Variants in PNMA1 observed in about 807,000 individuals in gnomAD.
PNMA1 encodes the protein PNMA family member 1.
A neutral mutation model predicts 26.1 loss-of-function variants in PNMA1; 21 were observed. That is an observed-to-expected ratio of 0.80 (90% CI 0.57 to 1.16). The LOEUF is 1.16. Ranked by LOEUF, PNMA1 falls within the 50% of genes most tolerant of loss-of-function variation. The pLI is 0.00. For missense variants in PNMA1, 435 were observed against 437.3 expected (o/e 0.99, Z 0.05); for synonymous variants, 189 against 177.3 (o/e 1.07, Z -0.52).
In PNMA1 at chr14:73,713,644, T is replaced by G; in HGVS notation, c.-5A>C. The G allele has an allele frequency of 1.3e-6, 2 of 1,592,120 alleles. No individual in the cohort carries two copies. The highest frequency in any genetic ancestry group is 2.3e-5 in the South Asian group (2 of 88,526). On this transcript the variant is annotated 5_prime_UTR_variant, in exon 1 of 1. Coordinates refer to ENST00000316836, the MANE Select transcript of PNMA1 (RefSeq NM_006029.5). ...TTCCAACAGTGTCATCGCCATTTTC[T>G]CAACTATCAAGACGCCAAATTCTAC...
Position 73,712,503 on chromosome 14 carries a change from A to C in PNMA1, c.*75T>G. The stretch of plus-strand genomic sequence containing the variant: ...GGCTAAGCCTTTACTACTCAGAGAC[A>C]CATCTGTAAGACCCCACAGGGACAA... On this transcript the variant is annotated 3_prime_UTR_variant, in exon 1 of 1. Transcript: ENST00000316836. 1 of 1,006,062 alleles carries C rather than the reference A, an allele frequency of 9.9e-7. No individual in the cohort carries two copies. The highest frequency in any genetic ancestry group is 1.5e-6 in the Non-Finnish European group (1 of 678,448). The allele number at this position is 1,006,062 out of a possible 1,614,324, so 62.3% of individuals were successfully genotyped here.
chr14:73,713,020 C>G lies in PNMA1; in HGVS notation c.620G>C (p.Arg207Thr), dbSNP rs755376650. The change falls in exon 1 of 1, where the codon AGA (arginine) becomes ACA (threonine). Residue 207 changes from arginine to threonine, a missense_variant. Arg to Thr is a moderately conservative substitution (Grantham distance 71). Coordinates refer to ENST00000316836, the MANE Select transcript of PNMA1 (RefSeq NM_006029.5). ...EKRRRLMESL[R>T]GPAADVIRIL... is the part of the protein sequence containing the mutation. The stretch of plus-strand genomic sequence containing the variant: ...GCGAATAACATCAGCGGCGGGGCCT[C>G]TAAGACTCTCCATCAACCGCCGCCT... 8.1e-6 allele frequency: 13 copies of G among 1,613,936 alleles called. No individual in the cohort carries two copies. The South Asian group carries it at 1.3e-4, about 16-fold the overall frequency.
At position 73,713,133 on chromosome 14, in the gene PNMA1, G is replaced by C. The variant is rs1345913158; in HGVS notation, c.507C>G (p.Ile169Met). The C allele has an allele frequency of 1.2e-6, 2 of 1,612,346 alleles. No individual in the cohort carries two copies. Among genetic ancestry groups the C allele is most frequent in the East Asian group, 2.2e-5 (1 of 44,856 alleles). Residue 169 changes from isoleucine (I) to methionine (M), a missense_variant, in exon 1 of 1, where the codon ATC becomes ATG. Physicochemically the swap from Ile to Met is conservative, Grantham distance 10. Coordinates refer to ENST00000316836, the MANE Select transcript of PNMA1 (RefSeq NM_006029.5). ...CAAAGGTTTCCTCTCCAGGCCCTGG[G>C]ATGTCCCTCCCCGAGAAAAGTGTCA... ...KRLTLFSGRD[I>M]PGPGEETFDP... is the part of the protein sequence containing the mutation.
chr14:73,713,134 A>G lies in PNMA1; in HGVS notation c.506T>C (p.Ile169Thr). Residue 169 changes from isoleucine (I) to threonine (T), a missense_variant, in exon 1 of 1, where the codon ATC becomes ACC. Ile to Thr is a moderately conservative substitution (Grantham distance 89). Transcript: ENST00000316836. ...KRLTLFSGRD[I>T]PGPGEETFDP... The stretch of plus-strand genomic sequence containing the variant: ...AAAGGTTTCCTCTCCAGGCCCTGGG[A>G]TGTCCCTCCCCGAGAAAAGTGTCAG... 1.9e-6 allele frequency: 3 copies of G among 1,612,514 alleles called. No homozygotes were observed. The highest frequency in any genetic ancestry group is 2.5e-6 in the Non-Finnish European group (3 of 1,179,094).
chr14:73,712,860 T>C lies in PNMA1; in HGVS notation c.780A>G (p.Lys260=). The change falls in exon 1 of 1, where the codon AAA becomes AAG. Residue 260 remains lysine, a synonymous_variant. Transcript: ENST00000316836. ...CCAGACGAATGACATAAGCAGACAATTTTTCTCCCGGGTTCTGATAAGTGT... is the reference window on the plus strand; with the variant it reads ...CCAGACGAATGACATAAGCAGACAACTTTTCTCCCGGGTTCTGATAAGTGT... The part of the protein sequence containing the change: ...FLNTYQNPGE[K]LSAYVIRLEP... The C allele has an allele frequency of 6.2e-7, 1 of 1,614,104 alleles. No individual in the cohort carries two copies. The highest frequency in any genetic ancestry group is 1.1e-5 in the South Asian group (1 of 91,088).
chr14:73,713,170 C>G lies in PNMA1; in HGVS notation c.470G>C (p.Trp157Ser). 6.2e-7 allele frequency: 1 copy of G among 1,613,934 alleles called. No individual in the cohort carries two copies. The highest frequency in any genetic ancestry group is 8.5e-7 in the Non-Finnish European group (1 of 1,179,932). ...CGAGAAAAGTGTCAGCCTCTTGTAC[C>G]ATATGGACTCAACAAGAGGCTGAAT... Reference protein sequence around the residue: ...NVIQPLVESIWYKRLTLFSGR... With the variant: ...NVIQPLVESISYKRLTLFSGR... The change falls in exon 1 of 1, where the codon TGG becomes TCG. Residue 157 changes from tryptophan (W) to serine (S), a missense_variant. By Grantham distance (177) the Trp-to-Ser change is radical. Transcript: ENST00000316836.
In PNMA1 at chr14:73,713,427, A is replaced by G. The variant is rs769751350; in HGVS notation, c.213T>C (p.Ala71=). ...AKAALLELTG[A]VDYAAIPREM... is the part of the protein sequence containing the mutation. ...CCCTGGGGATCGCGGCGTAATCTAC[A>G]GCGCCAGTGAGCTCTAATAAGGCTG... Residue 71 remains alanine (A), a synonymous_variant, in exon 1 of 1, where the codon GCT becomes GCC. Transcript: ENST00000316836. The G allele has an allele frequency of 6.2e-7, 1 of 1,614,162 alleles. No individual in the cohort carries two copies. The highest frequency in any genetic ancestry group is 1.1e-5 in the South Asian group (1 of 91,084).
In PNMA1 at chr14:73,713,711, AC is replaced by A; in HGVS notation, c.-73del. 1 of 1,408,902 alleles carries A rather than the reference AC, an allele frequency of 7.1e-7. No homozygotes were observed. Among genetic ancestry groups the A allele is most frequent in the Non-Finnish European group, 9.7e-7 (1 of 1,030,982 alleles). 87.3% of individuals were successfully genotyped at this position (1,408,902 alleles called of 1,614,324 possible). On this transcript the variant is annotated 5_prime_UTR_variant, in exon 1 of 1. An upstream open reading frame in the 5' UTR loses its in-frame stop. Coordinates refer to ENST00000316836, the MANE Select transcript of PNMA1 (RefSeq NM_006029.5). The stretch of plus-strand genomic sequence containing the variant: ...ACCGTGCTCCTGGCCTTAGAACAAT[AC>A]CAGACACTCCCACCAAGTAGGCCCG...
rs1555341146 is a variant in PNMA1, at chr14:73,711,966, G to A, written c.*612C>T. On this transcript the variant is annotated 3_prime_UTR_variant, in exon 1 of 1. Transcript: ENST00000316836. ...ATGAGAAACTGGTTTACACAGCTCC[G>A]TAACTGCAGTATTTTTTAACACCCC... The A allele has an allele frequency of 6.6e-6, 1 of 152,320 alleles. No individual in the cohort carries two copies. The allele number at this position is 152,320 out of a possible 1,614,324, so 9.4% of individuals were successfully genotyped here.
At position 73,713,880 on chromosome 14, in the gene PNMA1, G is replaced by A; in HGVS notation, c.-241C>T. 4.8e-6 allele frequency: 2 copies of A among 416,910 alleles called. No homozygotes were observed. Among genetic ancestry groups the A allele is most frequent in the Non-Finnish European group, 8.6e-6 (2 of 231,612 alleles). 25.8% of individuals were successfully genotyped at this position (416,910 alleles called of 1,614,324 possible). A position where few individuals can be genotyped will look rare whatever the true frequency, so the allele number is the denominator to read the frequency against. ...AGTCACGCGGCCGTCGCCATCTTGC[G>A]TCTGGGTCTGGGTCCGGTCGGGTCC... On this transcript the variant is annotated 5_prime_UTR_variant, in exon 1 of 1. In the 5' UTR this introduces an upstream ATG that the reference lacks. Coordinates refer to ENST00000316836, the MANE Select transcript of PNMA1 (RefSeq NM_006029.5).
In PNMA1 at chr14:73,712,821, C is replaced by G. The variant is rs760255835; in HGVS notation, c.819G>C (p.Gln273His). 3.7e-6 allele frequency: 6 copies of G among 1,613,992 alleles called. No homozygotes were observed. Among genetic ancestry groups the G allele is most frequent in the Admixed American group, 1.7e-5 (1 of 60,016 alleles). Residue 273 changes from glutamine to histidine, a missense_variant, in exon 1 of 1, where the codon CAG becomes CAC. Coordinates refer to ENST00000316836, the MANE Select transcript of PNMA1 (RefSeq NM_006029.5). Reference sequence around the variant, plus strand: ...CAATGGCCCCCTTCTCTACCACCTTCTGTAGCAGAGGCTCCAGACGAATGA... The same window carrying G: ...CAATGGCCCCCTTCTCTACCACCTTGTGTAGCAGAGGCTCCAGACGAATGA... ...AYVIRLEPLL[Q>H]KVVEKGAIDK...
rs1436508986 is a variant in PNMA1, at chr14:73,713,557, A to G, written c.83T>C (p.Val28Ala). 6.2e-7 allele frequency: 1 copy of G among 1,614,088 alleles called. No homozygotes were observed. The highest frequency in any genetic ancestry group is 1.3e-5 in the African/African-American group (1 of 75,026). Residue 28 changes from valine to alanine, a missense_variant, in exon 1 of 1, where the codon GTG (valine) becomes GCG (alanine). Val to Ala is a moderately conservative substitution (Grantham distance 64). Coordinates refer to ENST00000316836, the MANE Select transcript of PNMA1 (RefSeq NM_006029.5). ...QRALLVWGIP[V>A]NCDEAEIEET... The stretch of plus-strand genomic sequence containing the variant: ...TTCGATTTCAGCCTCATCACAGTTC[A>G]CTGGGATGCCCCAGACTAACAGAGC...
rs1368767682 is a variant in PNMA1, at chr14:73,712,844, T to C, written c.796A>G (p.Ile266Val). 2 of 1,613,990 alleles carry C rather than the reference T, an allele frequency of 1.2e-6. No homozygotes were observed. The highest frequency in any genetic ancestry group is 1.1e-5 in the South Asian group (1 of 91,090). The change falls in exon 1 of 1, where the codon ATT (isoleucine) becomes GTT (valine). Residue 266 changes from isoleucine to valine, a missense_variant. Physicochemically the swap from Ile to Val is conservative, Grantham distance 29. Transcript: ENST00000316836. ...NPGEKLSAYVIRLEPLLQKVV... is the reference protein window; with the variant it reads ...NPGEKLSAYVVRLEPLLQKVV... The stretch of plus-strand genomic sequence containing the variant: ...TTCTGTAGCAGAGGCTCCAGACGAA[T>C]GACATAAGCAGACAATTTTTCTCCC...
chr14:73,713,764 A>G lies in PNMA1; in HGVS notation c.-125T>C. 2 of 852,494 alleles carry G rather than the reference A, an allele frequency of 2.3e-6. No individual in the cohort carries two copies. Among genetic ancestry groups the G allele is most frequent in the Admixed American group, 4.8e-5 (2 of 42,016 alleles). The allele number at this position is 852,494 out of a possible 1,614,324, so 52.8% of individuals were successfully genotyped here. On this transcript the variant is annotated 5_prime_UTR_variant, in exon 1 of 1. Transcript: ENST00000316836. Reference sequence around the variant, plus strand: ...GGGAGGCGACCTTCATGCAGTCACGATTAACAAAGACAGAGTCCTGATCTC... The same window carrying G: ...GGGAGGCGACCTTCATGCAGTCACGGTTAACAAAGACAGAGTCCTGATCTC...
At position 73,714,332 on chromosome 14, in the gene PNMA1, C is replaced by G. The variant is rs1452264734; in HGVS notation, c.-693G>C. ...GCGGCCCGCAGCGGTTCAGGCGCTG[C>G]GCGGCTGCTCTGGCGTCCAGTCCTA... is the stretch of plus-strand genomic sequence containing the variant. On this transcript the variant is annotated 5_prime_UTR_variant, in exon 1 of 1. Transcript: ENST00000316836. The G allele has an allele frequency of 6.1e-6, 1 of 163,700 alleles. No homozygotes were observed. The highest frequency in any genetic ancestry group is 1.9e-4 in the East Asian group (1 of 5,174). The allele number at this position is 163,700 out of a possible 1,614,324, so 10.1% of individuals were successfully genotyped here.
In PNMA1 at chr14:73,714,044, G is replaced by A; in HGVS notation, c.-405C>T. ...CGCCGGGCGCTCGCTGCGGCTCCTG[G>A]AGAGGATCGGGCGTTCGCGGTCGCA... is the stretch of plus-strand genomic sequence containing the variant. On this transcript the variant is annotated 5_prime_UTR_variant, in exon 1 of 1. Transcript: ENST00000316836. 5.8e-6 allele frequency: 1 copy of A among 173,434 alleles called. No individual in the cohort carries two copies. 10.7% of individuals were successfully genotyped at this position (173,434 alleles called of 1,614,324 possible).
Position 73,712,324 on chromosome 14 carries a change from GC to G in PNMA1, c.*253del, listed in dbSNP as rs1461685923. On this transcript the variant is annotated 3_prime_UTR_variant, in exon 1 of 1. Coordinates refer to ENST00000316836, the MANE Select transcript of PNMA1 (RefSeq NM_006029.5). The stretch of plus-strand genomic sequence containing the variant: ...TCCATGATGACAGCGTGCACTAAGC[GC>G]TGTGTCCAACCAACCCTTTACCTGG... The G allele has an allele frequency of 4.5e-6, 2 of 445,106 alleles. No individual in the cohort carries two copies. The highest frequency in any genetic ancestry group is 3.9e-5 in the African/African-American group (2 of 51,076). 27.6% of individuals were successfully genotyped at this position (445,106 alleles called of 1,614,324 possible). A position where few individuals can be genotyped will look rare whatever the true frequency, so the allele number is the denominator to read the frequency against.
Position 73,713,775 on chromosome 14 carries a change from CAG to C in PNMA1, c.-138_-137del, listed in dbSNP as rs2052843084. ...TTCATGCAGTCACGATTAACAAAGA[CAG>C]AGTCCTGATCTCGCCCTTCTCTGCC... is the stretch of plus-strand genomic sequence containing the variant. On this transcript the variant is annotated 5_prime_UTR_variant, in exon 1 of 1. Transcript: ENST00000316836. 1.3e-6 allele frequency: 1 copy of C among 797,176 alleles called. No individual in the cohort carries two copies. The highest frequency in any genetic ancestry group is 2.5e-5 in the East Asian group (1 of 40,522). 49.4% of individuals were successfully genotyped at this position (797,176 alleles called of 1,614,324 possible).
In PNMA1 at chr14:73,713,775, C is replaced by T; in HGVS notation, c.-136G>A. On this transcript the variant is annotated 5_prime_UTR_variant, in exon 1 of 1. Coordinates refer to ENST00000316836, the MANE Select transcript of PNMA1 (RefSeq NM_006029.5). ...TTCATGCAGTCACGATTAACAAAGACAGAGTCCTGATCTCGCCCTTCTCTG... is the reference window on the plus strand; with the variant it reads ...TTCATGCAGTCACGATTAACAAAGATAGAGTCCTGATCTCGCCCTTCTCTG... The T allele has an allele frequency of 5.0e-6, 4 of 797,176 alleles. No individual in the cohort carries two copies. The highest frequency in any genetic ancestry group is 1.7e-5 in the African/African-American group (1 of 58,168). 49.4% of individuals were successfully genotyped at this position (797,176 alleles called of 1,614,324 possible). A position where few individuals can be genotyped will look rare whatever the true frequency, so the allele number is the denominator to read the frequency against.
Sources: allele counts gnomAD v4.1 joint callset, GRCh38; gene constraint gnomAD v4.1.1; transcripts MANE v1.5; gene names NCBI Gene and HGNC (gene_info 2026-07-23, HGNC 2026-07-21).